FAM184B: variants seen among roughly 807,000 people sequenced by gnomAD.
FAM184B encodes the protein family with sequence similarity 184 member B, also known as protein FAM184B.
A neutral mutation model predicts 135.9 loss-of-function variants in FAM184B; 111 were observed. The observed-to-expected ratio is 0.82, with a 90% CI of 0.70 to 0.96. The LOEUF (loss-of-function observed/expected upper bound fraction) is 0.96. Among genes scored for constraint, FAM184B ranks in the 40% least tolerant of loss-of-function variants. The pLI is 0.00. For synonymous variants in FAM184B, 552 were observed against 524.8 expected (o/e 1.05, Z -0.71); for missense variants, 1,375 against 1,323.9 (o/e 1.04, Z -0.60).
At position 17,647,823 on chromosome 4, in the gene FAM184B, G is replaced by T. The variant is rs1357200472; in HGVS notation, c.2192-32C>A. The T allele has an allele frequency of 3.2e-6, 5 of 1,541,192 alleles. No homozygotes were observed. In the East Asian group the frequency reaches 1.2e-4, roughly 38 times the overall value. ...AAGGGAGAGCAGCAGTGAGTTAGGCGTTGGGTCTAGGCTGAAGCCTGTGTC... is the reference window on the plus strand; with the variant it reads ...AAGGGAGAGCAGCAGTGAGTTAGGCTTTGGGTCTAGGCTGAAGCCTGTGTC... On this transcript the variant is annotated intron_variant, in intron 11 of 17. Coordinates refer to ENST00000265018, the MANE Select transcript of FAM184B (RefSeq NM_015688.2).
intron 1 of FAM184B, among the ~76,000 whole-genome samples, chr4:17,734,900 T>A (rs925784124): frequency 6.6e-6 from 1 of 152,134 alleles, no homozygotes; most frequent in Non-Finnish European, 1.5e-5. Context: ...ACTGCAGCAC[T>A]ATTCACAATA....
At chr4:17,632,648 T>A (rs1266660308) in intron 17 of FAM184B, 23 bp from the exon 18 acceptor site, 1 of 1,485,982 alleles carries the variant, frequency 6.7e-7, no homozygotes, top group East Asian at 2.5e-5. Context: ...AAAGGTTTTT[T>A]TATATGGTTT....
At chr4:17,666,677 T>C (rs894681761) in intron 7 of FAM184B, among the ~76,000 whole-genome samples, 2 of 151,572 alleles carry the variant, frequency 1.3e-5, no homozygotes, top group African/African-American at 4.8e-5. Flanking sequence ...CCCCCCTCAC[T>C]CTCTTTTCCT....
In FAM184B at chr4:17,751,808, G is replaced by C. The variant is rs79478393; in HGVS notation, c.141+29351C>G. On this transcript the variant is annotated intron_variant, in intron 1 of 17. Transcript: ENST00000265018. ...GCTGGAGGTCAAGAGGGCTGATTCT[G>C]GCCCTAAAAACAAGGCACACACACA... is the stretch of plus-strand genomic sequence containing the variant. Among the ~76,000 whole-genome samples the C allele has an allele frequency of 5.6e-3, 591 of 105,888 alleles. 22 individuals carry two copies. The East Asian group carries it at 0.11, about 20-fold the overall frequency. 69.5% of individuals were successfully genotyped at this position (105,888 alleles called of 152,430 possible). A position where few individuals can be genotyped will look rare whatever the true frequency, so the allele number is the denominator to read the frequency against.
At chr4:17,739,201 C>G (rs920337253) in intron 1 of FAM184B, among the ~76,000 whole-genome samples, 1 of 152,164 alleles carries the variant, frequency 6.6e-6, no homozygotes. Context: ...TTCTGGACAG[C>G]TTCTTCTCTG....
chr4:17,770,122 C>T (rs1395890102), intron 1 of FAM184B, among the ~76,000 whole-genome samples: 2 of 152,098 alleles, frequency 1.3e-5, no homozygotes, highest in East Asian at 3.9e-4. Flanking sequence ...CTCAAGTGAC[C>T]ACAATAAAAA....
intron 5 of FAM184B, among the ~76,000 whole-genome samples, chr4:17,703,616 G>A (rs1361396615): frequency 6.6e-6 from 1 of 151,964 alleles, no homozygotes; most frequent in East Asian, 1.9e-4. Context: ...ATAAGCCCTT[G>A]AAGTATTTAG....
chr4:17,771,258 T>C (rs1296113328), intron 1 of FAM184B, among the ~76,000 whole-genome samples: 1 of 152,144 alleles, frequency 6.6e-6, no homozygotes, highest in African/African-American at 2.4e-5. Flanking sequence ...CTCTGGCTGC[T>C]GTGTGGAGAA....
chr4:17,663,148 G>A (rs1560171105), intron 8 of FAM184B, among the ~76,000 whole-genome samples: 1 of 152,140 alleles, frequency 6.6e-6, no homozygotes, highest in Non-Finnish European at 1.5e-5. Context: ...TGTTGCCCAA[G>A]CTGGTCTTGA....
At chr4:17,766,128 A>C (rs79241847) in intron 1 of FAM184B, among the ~76,000 whole-genome samples, 3 of 152,204 alleles carry the variant, frequency 2.0e-5, no homozygotes, top group East Asian at 1.9e-4. Context: ...TAACCTAACC[A>C]GGTTGCCATT....
chr4:17,775,577 T>G (rs1420109893), intron 1 of FAM184B, among the ~76,000 whole-genome samples: 1 of 152,222 alleles, frequency 6.6e-6, no homozygotes, highest in Non-Finnish European at 1.5e-5. Flanking sequence ...ACCCAACATT[T>G]GTATTCCAGT....
chr4:17,657,655 C>CTTTTTTTTTT (rs58666074), intron 10 of FAM184B, among the ~76,000 whole-genome samples: 2 of 114,470 alleles, frequency 1.7e-5, no homozygotes, highest in African/African-American at 3.4e-5. Context: ...CTGAGCTGTT[C>CTTTTTTTTTT]TTTTTTTTTT....
intron 5 of FAM184B, among the ~76,000 whole-genome samples, chr4:17,695,344 T>C (rs927590302): frequency 1.3e-5 from 2 of 151,842 alleles, no homozygotes; most frequent in Non-Finnish European, 2.9e-5. Context: ...AAAAAAAATT[T>C]TTTTAGAGAT....
chr4:17,696,638 G>T (rs1307693050), intron 5 of FAM184B, among the ~76,000 whole-genome samples: 2 of 152,148 alleles, frequency 1.3e-5, no homozygotes, highest in African/African-American at 4.8e-5. Flanking sequence ...ACAGCGAGAC[G>T]CTATCTCTAC....
chr4:17,768,758 T>C (rs1467818862), intron 1 of FAM184B, among the ~76,000 whole-genome samples: 3 of 152,202 alleles, frequency 2.0e-5, no homozygotes, highest in African/African-American at 7.2e-5. Context: ...AGGGATTTTA[T>C]CTGATACATA....
intron 7 of FAM184B, among the ~76,000 whole-genome samples, chr4:17,673,503 G>A (rs1716226768): frequency 6.6e-6 from 1 of 152,194 alleles, no homozygotes; most frequent in African/African-American, 2.4e-5. Context: ...TCACAAAAAT[G>A]TGGAACCAAC....
chr4:17,769,231 C>T (rs182314972), intron 1 of FAM184B, among the ~76,000 whole-genome samples: 60 of 152,018 alleles, frequency 3.9e-4, no homozygotes, highest in Admixed American at 1.4e-3. Context: ...AAACAGGTTA[C>T]ACAATAGTTA....
intron 2 of FAM184B, among the ~76,000 whole-genome samples, chr4:17,708,598 T>C (rs1717167514): frequency 1.4e-5 from 2 of 141,130 alleles, no homozygotes; most frequent in Admixed American, 1.5e-4. Flanking sequence ...TGAGCTGAGA[T>C]CGCACCACTG....
chr4:17,632,709 A>ATGG, intron 17 of FAM184B, 84 bp from the exon 18 acceptor site: 1 of 914,572 alleles, frequency 1.1e-6, no homozygotes, highest in Non-Finnish European at 1.7e-6. Context: ...TCAGGGAAAG[A>ATGG]TAACTGCTTG....
Sources: allele counts gnomAD v4.1 joint callset (sites outside exome capture counted in the v4.1 genomes callset), GRCh38; gene constraint gnomAD v4.1.1; transcripts MANE v1.5; gene names NCBI Gene and HGNC (gene_info 2026-07-23, HGNC 2026-07-21).